RYR3: variants seen among roughly 807,000 people sequenced by gnomAD.
RYR3 encodes brain ryanodine receptor-calcium release channel.
In RYR3, 207 loss-of-function variants were observed where a neutral mutation model predicts 584.3. The observed-to-expected ratio is 0.35, with a 90% CI of 0.32 to 0.40. The LOEUF (loss-of-function observed/expected upper bound fraction) is 0.40. RYR3 is among the 10% of genes least tolerant of loss of function. RYR3 has a pLI of 1.00. For synonymous variants in RYR3, 2,416 were observed against 2,248.5 expected, an observed-to-expected ratio of 1.07 and a Z score of -2.11; for missense variants, 5,616 against 6,089.2, an observed-to-expected ratio of 0.92 and a Z score of 2.59.
chr15:33,809,030 A>C (rs1484309171), intron 70 of RYR3, among the ~76,000 whole-genome samples: 1 of 152,200 alleles, frequency 6.6e-6, no homozygotes, highest in Non-Finnish European at 1.5e-5. Flanking sequence ...TGCTGAAAGA[A>C]ATTACACTGT....
intron 1 of RYR3, among the ~76,000 whole-genome samples, chr15:33,430,397 C>A (rs1030261453): frequency 6.6e-6 from 1 of 152,124 alleles, no homozygotes; most frequent in Non-Finnish European, 1.5e-5. Flanking sequence ...AAGTGGGGAC[C>A]CACAGATCCA....
At chr15:33,556,908 G>T (rs1439592799) in intron 10 of RYR3, among the ~76,000 whole-genome samples, 2 of 152,004 alleles carry the variant, frequency 1.3e-5, no homozygotes, top group South Asian at 2.1e-4. Context: ...ACCTTGCTGT[G>T]CTTGTTGATT....
rs749665173 is a variant in RYR3 at position 33,603,221 on chromosome 15, C to T, written c.2021C>T (p.Thr674Ile). ...ATCGACCAGGTGGACCCCTTCCTAA[C>T]AGCAGAGCCCACACATCTGCGGGTG... is the stretch of plus-strand genomic sequence containing the variant. ...LIIDQVDPFL[T>I]AEPTHLRVGW... The change falls in exon 18 of 104, where the codon ACA (threonine) becomes ATA (isoleucine). Residue 674 changes from threonine to isoleucine, a missense_variant. This residue lies in a region of RYR3 where 1,284 missense variants were observed against 1,344.6 expected (regional missense o/e 0.95). Coordinates refer to ENST00000634891, the MANE Select transcript of RYR3 (RefSeq NM_001036.6). The T allele has an allele frequency of 3.7e-6, 6 of 1,613,946 alleles. No homozygotes were observed. The South Asian group carries it at 4.4e-5, about 12-fold the overall frequency.
intron 1 of RYR3, among the ~76,000 whole-genome samples, chr15:33,395,458 C>A (rs1394086587): frequency 1.3e-5 from 2 of 152,228 alleles, no homozygotes; most frequent in Non-Finnish European, 2.9e-5. Flanking sequence ...ACGCAAGGCA[C>A]ATACGTACTT....
chr15:33,642,540 C>T (rs1427690920), intron 27 of RYR3, among the ~76,000 whole-genome samples: 2 of 152,204 alleles, frequency 1.3e-5, no homozygotes, highest in African/African-American at 2.4e-5. Context: ...GATTGGGATA[C>T]TTTCTTCTTC....
At chr15:33,546,560 G>A (rs749349469) in intron 8 of RYR3, among the ~76,000 whole-genome samples, 16 of 152,084 alleles carry the variant, frequency 1.1e-4, no homozygotes, top group Non-Finnish European at 2.1e-4. Context: ...ATTGATTGCT[G>A]TATGATTAAT....
Position 33,543,724 on chromosome 15 carries a change from G to T in RYR3, c.740+9G>T. The T allele has an allele frequency of 6.5e-7, 1 of 1,548,034 alleles. No homozygotes were observed. Among genetic ancestry groups the T allele is most frequent in the Non-Finnish European group, 8.9e-7 (1 of 1,120,038 alleles). ...AATGATTCCCAGCACAGGTAAGTCAGTAGCTGCATTCTTCCACTAGCTGTT... is the reference window on the plus strand; with the variant it reads ...AATGATTCCCAGCACAGGTAAGTCATTAGCTGCATTCTTCCACTAGCTGTT... On this transcript the variant is annotated intron_variant, in intron 8 of 103. Transcript: ENST00000634891.
chr15:33,639,683 G>A (rs1174706820), intron 27 of RYR3, among the ~76,000 whole-genome samples: 1 of 152,184 alleles, frequency 6.6e-6, no homozygotes, highest in East Asian at 1.9e-4. Flanking sequence ...CCCTTTTGGG[G>A]AAGCAGTGGG....
intron 38 of RYR3, among the ~76,000 whole-genome samples, chr15:33,689,108 A>C: frequency 6.6e-6 from 1 of 151,924 alleles, no homozygotes; most frequent in East Asian, 1.9e-4. Flanking sequence ...CATTCCCAGC[A>C]AACTATCACA....
chr15:33,479,739 G>C (rs2049791523), intron 2 of RYR3, among the ~76,000 whole-genome samples: 2 of 151,962 alleles, frequency 1.3e-5, no homozygotes, highest in Non-Finnish European at 2.9e-5. Context: ...CTTACATAAG[G>C]GTAAAGAAGG....
intron 65 of RYR3, among the ~76,000 whole-genome samples, chr15:33,784,441 G>T (rs735612): frequency 0.59 from 89,764 of 152,170 alleles, 27,400 homozygotes; most frequent in East Asian, 0.96. Flanking sequence ...ATTTGTATTT[G>T]CAGTCTTCTG....
intron 2 of RYR3, among the ~76,000 whole-genome samples, chr15:33,495,609 T>C (rs994244915): frequency 2.0e-5 from 3 of 152,174 alleles, no homozygotes; most frequent in African/African-American, 7.2e-5. Flanking sequence ...CTTGCCCATA[T>C]AAGTTTTACC....
intron 2 of RYR3, among the ~76,000 whole-genome samples, chr15:33,487,143 A>C (rs1172656384): frequency 6.6e-6 from 1 of 151,888 alleles, no homozygotes; most frequent in Non-Finnish European, 1.5e-5. Flanking sequence ...GGTTGCAGTG[A>C]GCTGAGATCA....
chr15:33,566,449 C>T (rs1311416499), intron 11 of RYR3, among the ~76,000 whole-genome samples: 1 of 152,186 alleles, frequency 6.6e-6, no homozygotes, highest in African/African-American at 2.4e-5. Flanking sequence ...CATGGTGGCA[C>T]ATAAAGTTTC....
At chr15:33,383,495 A>G (rs1394877812) in intron 1 of RYR3, among the ~76,000 whole-genome samples, 2 of 151,794 alleles carry the variant, frequency 1.3e-5, no homozygotes, top group Non-Finnish European at 2.9e-5. Flanking sequence ...TGGGGTCCAC[A>G]ATACCTGAGT....
At chr15:33,533,474 A>T in intron 5 of RYR3, 85 bp downstream of exon 5, 1 of 936,426 alleles carries the variant, frequency 1.1e-6, no homozygotes, top group Non-Finnish European at 1.7e-6. Context: ...TGCGTTACTC[A>T]TTTGGGATTC....
intron 1 of RYR3, among the ~76,000 whole-genome samples, chr15:33,400,368 C>A (rs1477061945): frequency 6.6e-6 from 1 of 152,160 alleles, no homozygotes; most frequent in East Asian, 1.9e-4. Flanking sequence ...GGACTCCTTC[C>A]CCCCGCCACA....
chr15:33,725,765 C>A (rs1294609188), intron 45 of RYR3, among the ~76,000 whole-genome samples: 5 of 147,244 alleles, frequency 3.4e-5, no homozygotes, highest in African/African-American at 1.3e-4. Flanking sequence ...CGAGACCATG[C>A]TGGCTGACAT....
At chr15:33,426,043 A>C (rs2044633950) in intron 1 of RYR3, among the ~76,000 whole-genome samples, 1 of 152,172 alleles carries the variant, frequency 6.6e-6, no homozygotes, top group Non-Finnish European at 1.5e-5. Flanking sequence ...AAAGATCAAA[A>C]ATCTTAATTA....
Sources: allele counts gnomAD v4.1 joint callset (sites outside exome capture counted in the v4.1 genomes callset), GRCh38; gene constraint gnomAD v4.1.1; regional missense constraint gnomAD v4.1.1; transcripts MANE v1.5; gene names NCBI Gene and HGNC (gene_info 2026-07-23, HGNC 2026-07-21).